Variants in SPON1 observed in about 807,000 individuals in gnomAD.
The protein encoded by SPON1 is spondin-1.
SPON1 carries 52 observed loss-of-function variants against 111.7 expected under a neutral mutation model. The observed-to-expected ratio is 0.47, with a 90% CI of 0.37 to 0.59. SPON1 has a LOEUF of 0.59. SPON1 is among the 20% of genes least tolerant of loss of function. SPON1 has a pLI of 0.00. For synonymous variants in SPON1, 410 were observed against 395.8 expected, an observed-to-expected ratio of 1.04 and a Z score of -0.43; for missense variants, 957 against 1,068.5, an observed-to-expected ratio of 0.90 and a Z score of 1.46.
intron 6 of SPON1, among the ~76,000 whole-genome samples, chr11:14,177,119 C>A (rs1433962260): frequency 6.6e-6 from 1 of 152,184 alleles, no homozygotes; most frequent in Non-Finnish European, 1.5e-5. Context: ...CAGCTCACTG[C>A]AAGCTCCGCT....
rs1849277950 is a variant in SPON1, at chr11:14,266,956, G to C, written c.*1269G>C. 1 of 152,150 alleles carries C rather than the reference G, an allele frequency of 6.6e-6. No homozygotes were observed. The highest frequency in any genetic ancestry group is 1.5e-5 in the Non-Finnish European group (1 of 68,030). 9.4% of individuals were successfully genotyped at this position (152,150 alleles called of 1,614,324 possible). A position where few individuals can be genotyped will look rare whatever the true frequency, so the allele number is the denominator to read the frequency against. ...CTGACCACCAAGGGATAGTGTAAAA[G>C]GACATTTTCTCAGTTGGGTCCATCA... is the stretch of plus-strand genomic sequence containing the variant. On this transcript the variant is annotated 3_prime_UTR_variant, in exon 16 of 16. Coordinates refer to ENST00000576479, the MANE Select transcript of SPON1 (RefSeq NM_006108.4).
At chr11:14,171,292 A>C (rs572612770) in intron 6 of SPON1, among the ~76,000 whole-genome samples, 3 of 152,220 alleles carry the variant, frequency 2.0e-5, no homozygotes, top group African/African-American at 7.2e-5. Context: ...AGAGGTGTTT[A>C]TAGTATTCTC....
At chr11:14,202,730 T>A (rs1168305897) in intron 6 of SPON1, among the ~76,000 whole-genome samples, 1 of 152,210 alleles carries the variant, frequency 6.6e-6, no homozygotes, top group African/African-American at 2.4e-5. Context: ...TCTTTTACCA[T>A]GATTTTTGCA....
chr11:14,167,188 T>A (rs1848040388), intron 6 of SPON1, among the ~76,000 whole-genome samples: 1 of 152,142 alleles, frequency 6.6e-6, no homozygotes, highest in Non-Finnish European at 1.5e-5. Context: ...TCCTGTATAA[T>A]TTTTGTACCA....
At position 14,041,651 on chromosome 11, in the gene SPON1, T is replaced by C; in HGVS notation, c.476T>C (p.Leu159Pro). Residue 159 changes from leucine (L) to proline (P), a missense_variant, in exon 3 of 16, where the codon CTG becomes CCG. Physicochemically the swap from Leu to Pro is moderately conservative, Grantham distance 98 (BLOSUM62 -3). Transcript: ENST00000576479. Reference sequence around the variant, plus strand: ...CCAGCGGGAACAGGCTGCGTGATTCTGAAGTAAGTAAACATGGAATCCTTC... The same window carrying C: ...CCAGCGGGAACAGGCTGCGTGATTCCGAAGTAAGTAAACATGGAATCCTTC... Reference protein sequence around the residue: ...APPAGTGCVILKASIVQKRII... With the variant: ...APPAGTGCVIPKASIVQKRII... 2 of 1,613,758 alleles carry C rather than the reference T, an allele frequency of 1.2e-6. No homozygotes were observed. The highest frequency in any genetic ancestry group is 1.1e-5 in the South Asian group (1 of 91,066).
intron 5 of SPON1, among the ~76,000 whole-genome samples, chr11:14,112,224 C>T (rs186756454): frequency 1.2e-4 from 18 of 152,288 alleles, no homozygotes; most frequent in Admixed American, 1.3e-4. Context: ...TAACAAACAG[C>T]GCAAAAGCAC....
intron 6 of SPON1, among the ~76,000 whole-genome samples, chr11:14,166,100 G>A (rs1169930575): frequency 2.0e-5 from 3 of 151,570 alleles, no homozygotes; most frequent in African/African-American, 7.3e-5. Flanking sequence ...CACAAGGTAT[G>A]AGGCCAGATT....
intron 2 of SPON1, among the ~76,000 whole-genome samples, chr11:14,011,067 C>A (rs1456723616): frequency 6.6e-6 from 1 of 152,066 alleles, no homozygotes; most frequent in African/African-American, 2.4e-5. Flanking sequence ...TCAGGACAGA[C>A]CAGAACCAAA....
chr11:14,138,759 G>A (rs1847620109), intron 6 of SPON1, among the ~76,000 whole-genome samples: 2 of 152,136 alleles, frequency 1.3e-5, no homozygotes, highest in African/African-American at 4.8e-5. Context: ...CATATTTCTG[G>A]CATGTTTACT....
intron 3 of SPON1, among the ~76,000 whole-genome samples, chr11:14,065,463 A>G (rs1467422935): frequency 2.6e-5 from 4 of 152,220 alleles, no homozygotes; most frequent in Non-Finnish European, 5.9e-5. Context: ...GCAAGGACTC[A>G]GCACAGAACA....
At chr11:13,973,339 G>A (rs1361066548) in intron 1 of SPON1, among the ~76,000 whole-genome samples, 1 of 152,216 alleles carries the variant, frequency 6.6e-6, no homozygotes, top group Admixed American at 6.5e-5. Flanking sequence ...TGACCACAGG[G>A]TCAGAGTAGG....
chr11:14,054,818 C>A (rs1438529504), intron 3 of SPON1, among the ~76,000 whole-genome samples: 1 of 152,154 alleles, frequency 6.6e-6, no homozygotes, highest in Non-Finnish European at 1.5e-5. Flanking sequence ...CAGGATCTCC[C>A]GCTCTTACAT....
At chr11:14,206,766 C>T (rs1476275812) in intron 6 of SPON1, among the ~76,000 whole-genome samples, 6 of 152,068 alleles carry the variant, frequency 3.9e-5, no homozygotes, top group Non-Finnish European at 7.4e-5. Context: ...ATTCCATGCC[C>T]GTGGATAGGG....
chr11:13,998,086 C>A (rs1304728088), intron 2 of SPON1, among the ~76,000 whole-genome samples: 1 of 152,136 alleles, frequency 6.6e-6, no homozygotes, highest in African/African-American at 2.4e-5. Context: ...AAATATTAGT[C>A]ACATAAATAA....
intron 1 of SPON1, among the ~76,000 whole-genome samples, chr11:13,970,729 T>C (rs1486153442): frequency 6.6e-6 from 1 of 152,206 alleles, no homozygotes; most frequent in Non-Finnish European, 1.5e-5. Flanking sequence ...TGTCCTCAGA[T>C]CTTTGCATGG....
rs1279090636 is a variant in SPON1 at position 14,257,880 on chromosome 11, C to T, written c.1474C>T (p.Pro492Ser). 3.8e-6 allele frequency: 6 copies of T among 1,563,294 alleles called. No homozygotes were observed. In the East Asian group the frequency reaches 9.5e-5, roughly 25 times the overall value. ...DTQDFQPCMG[P>S]GCSDEDGSTC... is the part of the protein sequence containing the mutation. ...CCAGGACTTCCAGCCCTGCATGGGC[C>T]CTGGCTGCAGTGACGAAGGTGAGGA... Residue 492 changes from proline to serine, a missense_variant, in exon 11 of 16, where the codon CCT becomes TCT. Transcript: ENST00000576479.
At chr11:14,097,796 C>T (rs1235642737) in intron 5 of SPON1, among the ~76,000 whole-genome samples, 2 of 151,954 alleles carry the variant, frequency 1.3e-5, no homozygotes, top group African/African-American at 4.8e-5. Flanking sequence ...GATAAATAAA[C>T]AAAATAAAAA....
chr11:14,166,808 A>G (rs976278709), intron 6 of SPON1, among the ~76,000 whole-genome samples: 15 of 152,178 alleles, frequency 9.9e-5, no homozygotes, highest in Non-Finnish European at 1.9e-4. Context: ...ACCAAACAGC[A>G]TTTACTCTTC....
chr11:14,086,967 G>T (rs1489773595), intron 5 of SPON1, among the ~76,000 whole-genome samples: 1 of 152,200 alleles, frequency 6.6e-6, no homozygotes, highest in African/African-American at 2.4e-5. Flanking sequence ...ATGGGAGTCT[G>T]TAGTTTTGTG....
Sources: allele counts gnomAD v4.1 joint callset (sites outside exome capture counted in the v4.1 genomes callset), GRCh38; gene constraint gnomAD v4.1.1; transcripts MANE v1.5; gene names NCBI Gene and HGNC (gene_info 2026-07-23, HGNC 2026-07-21).